The following JAKMIP2 variants were observed in gnomAD, a reference collection of about 807,000 sequenced individuals.
JAKMIP2 encodes the protein janus kinase and microtubule-interacting protein 2.
In JAKMIP2, 25 loss-of-function variants were observed where a neutral mutation model predicts 115.0. That is an observed-to-expected ratio of 0.22 (90% CI 0.16 to 0.30). The LOEUF (loss-of-function observed/expected upper bound fraction) is 0.30, where lower values mean the gene tolerates loss of function less well. JAKMIP2 is among the 10% of genes least tolerant of loss of function. JAKMIP2 has a pLI of 1.00. For synonymous variants in JAKMIP2, 334 were observed against 343.6 expected (o/e 0.97, Z 0.31); for missense variants, 642 against 957.6 (o/e 0.67, Z 4.35).
intron 20 of JAKMIP2, among the ~76,000 whole-genome samples, chr5:147,602,316 G>A (rs1267367652): frequency 1.3e-5 from 2 of 152,272 alleles, no homozygotes; most frequent in South Asian, 2.1e-4. Flanking sequence ...ATATTAATCT[G>A]TAGGCTAAAT....
At chr5:147,637,119 AC>A in intron 10 of JAKMIP2, 71 bp from the exon 11 acceptor site, 1 of 819,052 alleles carries the variant, frequency 1.2e-6, no homozygotes, top group Non-Finnish European at 2.1e-6. Context: ...CTAGAACTCA[AC>A]AAGTAAGAGA....
chr5:147,650,002 A>C (rs1353573058), intron 4 of JAKMIP2, among the ~76,000 whole-genome samples: 6 of 152,190 alleles, frequency 3.9e-5, no homozygotes, highest in African/African-American at 1.4e-4. Context: ...ATTGTTCACA[A>C]AAGGGAAAAT....
At chr5:147,680,610 A>T (rs1417736732) in intron 1 of JAKMIP2, among the ~76,000 whole-genome samples, 2 of 152,226 alleles carry the variant, frequency 1.3e-5, no homozygotes, top group Non-Finnish European at 2.9e-5. Flanking sequence ...TTTTCCAAAG[A>T]TGATGCTTTT....
At chr5:147,637,774 C>G (rs1185669800) in intron 10 of JAKMIP2, among the ~76,000 whole-genome samples, 5 of 152,072 alleles carry the variant, frequency 3.3e-5, no homozygotes, top group African/African-American at 1.2e-4. Flanking sequence ...CAATTTCTCT[C>G]TGTCTTTCTC....
At chr5:147,768,187 C>T (rs1453586285) in intron 1 of JAKMIP2, among the ~76,000 whole-genome samples, 1 of 152,052 alleles carries the variant, frequency 6.6e-6, no homozygotes, top group Non-Finnish European at 1.5e-5. Context: ...ATATTTGATA[C>T]TCAATTTGTA....
intron 17 of JAKMIP2, among the ~76,000 whole-genome samples, chr5:147,622,309 T>G (rs550556250): frequency 2.3e-3 from 347 of 152,340 alleles, no homozygotes; most frequent in African/African-American, 8.1e-3. Flanking sequence ...CATTTTTGAG[T>G]GTATAGTTCA....
At chr5:147,685,064 T>C (rs1005192753) in intron 1 of JAKMIP2, among the ~76,000 whole-genome samples, 2 of 152,222 alleles carry the variant, frequency 1.3e-5, no homozygotes, top group Admixed American at 6.5e-5. Context: ...ATGAGATACA[T>C]GGAGTTATTA....
intron 12 of JAKMIP2, among the ~76,000 whole-genome samples, chr5:147,635,555 T>C (rs1757575376): frequency 6.6e-6 from 1 of 152,072 alleles, no homozygotes; most frequent in East Asian, 1.9e-4. Context: ...GAGGTTTCTT[T>C]GTTTTGTTTT....
chr5:147,764,989 A>G lies in JAKMIP2; in HGVS notation c.-149+17467T>C, dbSNP rs61512914. 0.018 allele frequency among the ~76,000 whole-genome samples: 1,325 copies of G among 72,410 alleles called. 225 individuals carry two copies. In the East Asian group the frequency reaches 0.21, roughly 11 times the overall value. 47.5% of individuals were successfully genotyped at this position (72,410 alleles called of 152,430 possible). A position where few individuals can be genotyped will look rare whatever the true frequency, so the allele number is the denominator to read the frequency against. The stretch of plus-strand genomic sequence containing the variant: ...GAGGGGGAGAGAGAGAGAGAGAGAG[A>G]GGGAGAGAGAGAGAGAGAGAGAAAG... On this transcript the variant is annotated intron_variant, in intron 1 of 21. Coordinates refer to ENST00000616793, the MANE Select transcript of JAKMIP2 (RefSeq NM_001270941.2).
At chr5:147,636,458 G>A (rs2126702581) in intron 11 of JAKMIP2, 174 bp from the exon 12 acceptor site, 2 of 603,362 alleles carry the variant, frequency 3.3e-6, no homozygotes, top group East Asian at 5.6e-5. Context: ...GGCCAAAGTT[G>A]CCGGGAAAAT....
At chr5:147,739,145 A>G (rs1199892740) in intron 1 of JAKMIP2, among the ~76,000 whole-genome samples, 1 of 151,984 alleles carries the variant, frequency 6.6e-6, no homozygotes, top group Non-Finnish European at 1.5e-5. Context: ...CTGCTGGGGA[A>G]AGCTTAATAT....
chr5:147,719,067 C>T (rs1347764032), intron 1 of JAKMIP2, among the ~76,000 whole-genome samples: 1 of 137,034 alleles, frequency 7.3e-6, no homozygotes, highest in African/African-American at 2.9e-5. Flanking sequence ...TCATTGGTTT[C>T]AAAGAACATC....
At chr5:147,607,587 T>G (rs1479170504) in intron 20 of JAKMIP2, among the ~76,000 whole-genome samples, 2 of 152,242 alleles carry the variant, frequency 1.3e-5, no homozygotes, top group Non-Finnish European at 2.9e-5. Context: ...AGTATTTTAT[T>G]GAGGATTGTC....
chr5:147,666,816 A>G (rs1480066890), intron 2 of JAKMIP2, among the ~76,000 whole-genome samples: 2 of 152,172 alleles, frequency 1.3e-5, no homozygotes, highest in Non-Finnish European at 2.9e-5. Context: ...GGCTATTGTG[A>G]TGATTGATAT....
At chr5:147,730,700 G>A (rs556619637) in intron 1 of JAKMIP2, among the ~76,000 whole-genome samples, 43 of 152,042 alleles carry the variant, frequency 2.8e-4, no homozygotes, top group Middle Eastern at 3.4e-3. Flanking sequence ...ATGAGCCGCC[G>A]GCCTCAGCCT....
At chr5:147,639,356 TC>T (rs1757773529) in intron 10 of JAKMIP2, among the ~76,000 whole-genome samples, 1 of 152,050 alleles carries the variant, frequency 6.6e-6, no homozygotes, top group African/African-American at 2.4e-5. Context: ...CTTAACAAAA[TC>T]CAATATTGTC....
chr5:147,778,965 C>A (rs1382654814), intron 1 of JAKMIP2, among the ~76,000 whole-genome samples: 1 of 152,038 alleles, frequency 6.6e-6, no homozygotes, highest in Non-Finnish European at 1.5e-5. Context: ...CAGGGAATTG[C>A]AACACACTTC....
intron 1 of JAKMIP2, among the ~76,000 whole-genome samples, chr5:147,702,664 G>GAA (rs751253168): frequency 0.026 from 2,588 of 99,768 alleles, 118 homozygotes; most frequent in African/African-American, 0.049. Context: ...AAGAAAGAAA[G>GAA]AGAGAGAAAG....
intron 21 of JAKMIP2, among the ~76,000 whole-genome samples, chr5:147,592,028 A>G (rs1354777898): frequency 6.6e-6 from 1 of 152,182 alleles, no homozygotes; most frequent in Non-Finnish European, 1.5e-5. Context: ...GCCCCAACAT[A>G]TCCATTTAAG....
Sources: gnomAD v4.1 joint callset for allele counts (sites outside exome capture counted in the v4.1 genomes callset) on GRCh38, gnomAD v4.1.1 for gene constraint, MANE v1.5 for transcripts, NCBI Gene and HGNC (gene_info 2026-07-23, HGNC 2026-07-21) for gene names.